The following NEDD4 variants were observed in gnomAD, a reference collection of about 807,000 sequenced individuals.
NEDD4 encodes E3 ubiquitin-protein ligase NEDD4.
NEDD4 carries 99 observed loss-of-function variants against 144.9 expected under a neutral mutation model. The ratio of observed to expected loss-of-function variants is 0.68; its 90% CI spans 0.58 to 0.81. The LOEUF (loss-of-function observed/expected upper bound fraction) is 0.81. Among genes scored for constraint, NEDD4 ranks in the 30% least tolerant of loss-of-function variants. The pLI, the probability that NEDD4 is intolerant of heterozygous loss-of-function variation, is 0.00. For missense variants in NEDD4, 985 were observed against 1,065.9 expected (o/e 0.92, Z 1.06); for synonymous variants, 318 against 350.6 (o/e 0.91, Z 1.04).
intron 5 of NEDD4, among the ~76,000 whole-genome samples, chr15:55,903,393 G>T (rs1236146169): frequency 2.6e-5 from 4 of 152,118 alleles, no homozygotes; most frequent in African/African-American, 9.7e-5. Context: ...TTTTCAGCAA[G>T]TCATTTAAAA....
intron 4 of NEDD4, among the ~76,000 whole-genome samples, chr15:55,941,992 T>A (rs1364855628): frequency 6.6e-6 from 1 of 152,200 alleles, no homozygotes; most frequent in Non-Finnish European, 1.5e-5. Context: ...GGGTATTAGC[T>A]GTAGTGTACT....
intron 4 of NEDD4, among the ~76,000 whole-genome samples, chr15:55,947,447 C>T (rs12438158): frequency 0.13 from 20,433 of 152,134 alleles, 1,496 homozygotes; most frequent in East Asian, 0.32. Context: ...CACATACACC[C>T]TCCCAAGACT....
At chr15:55,922,241 A>G (rs893486979) in intron 5 of NEDD4, among the ~76,000 whole-genome samples, 14 of 152,270 alleles carry the variant, frequency 9.2e-5, no homozygotes, top group African/African-American at 3.1e-4. Flanking sequence ...AAAATTATGC[A>G]TCATTGAAAT....
chr15:55,865,387 A>T (rs1433979305), intron 8 of NEDD4, among the ~76,000 whole-genome samples: 1 of 152,070 alleles, frequency 6.6e-6, no homozygotes, highest in Non-Finnish European at 1.5e-5. Flanking sequence ...TTAAAAGTGA[A>T]ACCAAAAAGT....
intron 1 of NEDD4, among the ~76,000 whole-genome samples, chr15:55,974,636 G>T (rs906385853): frequency 6.6e-6 from 1 of 151,820 alleles, no homozygotes; most frequent in African/African-American, 2.4e-5. Flanking sequence ...AAAGTCAAAT[G>T]TCATATCAAC....
chr15:55,983,456 G>A (rs546694462), intron 1 of NEDD4, among the ~76,000 whole-genome samples: 66 of 152,002 alleles, frequency 4.3e-4, no homozygotes, highest in African/African-American at 5.5e-4. Context: ...CTTCCTGTTC[G>A]TCTCCATCCC....
rs2032785480 is a variant in NEDD4 at position 55,828,302 on chromosome 15, T to C, written c.*1595A>G. On this transcript the variant is annotated 3_prime_UTR_variant, in exon 29 of 29. Transcript: ENST00000435532. ...TTCTCACAGGGTGTGTATATATATA[T>C]ATTTAAGAAGATTCGTAACATATAT... The C allele has an allele frequency of 6.6e-6, 1 of 152,200 alleles. No homozygotes were observed. The highest frequency in any genetic ancestry group is 1.5e-5 in the Non-Finnish European group (1 of 68,042). 9.4% of individuals were successfully genotyped at this position (152,200 alleles called of 1,614,324 possible). A position where few individuals can be genotyped will look rare whatever the true frequency, so the allele number is the denominator to read the frequency against.
chr15:55,878,244 CAAAT>C (rs2035062178), intron 5 of NEDD4, among the ~76,000 whole-genome samples: 1 of 151,924 alleles, frequency 6.6e-6, no homozygotes. Flanking sequence ...AGTATTACCA[CAAAT>C]AAAAAGAAAC....
intron 1 of NEDD4, among the ~76,000 whole-genome samples, chr15:55,969,021 A>T (rs1179462849): frequency 6.6e-6 from 1 of 152,218 alleles, no homozygotes; most frequent in African/African-American, 2.4e-5. Context: ...TCAAGGAAAG[A>T]GGCACTGAAG....
chr15:55,862,331 GAAT>G (rs1382337811), intron 9 of NEDD4, among the ~76,000 whole-genome samples: 4 of 151,972 alleles, frequency 2.6e-5, no homozygotes, highest in African/African-American at 9.7e-5. Context: ...GAATAAATAT[GAAT>G]AATGGGAGAT....
At chr15:55,967,928 G>C (rs1190317410) in intron 1 of NEDD4, among the ~76,000 whole-genome samples, 1 of 152,076 alleles carries the variant, frequency 6.6e-6, no homozygotes, top group Admixed American at 6.6e-5. Context: ...CAGGAGGATT[G>C]CCTGAATTTG....
intron 2 of NEDD4, among the ~76,000 whole-genome samples, chr15:55,962,616 G>A (rs1159350199): frequency 6.6e-6 from 1 of 150,622 alleles, no homozygotes; most frequent in African/African-American, 2.4e-5. Context: ...GCTAATTTTT[G>A]TATTTTTAGT....
intron 5 of NEDD4, among the ~76,000 whole-genome samples, chr15:55,881,713 A>G (rs1214558172): frequency 6.6e-6 from 1 of 152,164 alleles, no homozygotes; most frequent in African/African-American, 2.4e-5. Context: ...GAATACACTG[A>G]ACATCTGTAT....
chr15:55,831,394 C>T (rs2032943592), intron 27 of NEDD4, among the ~76,000 whole-genome samples: 1 of 152,078 alleles, frequency 6.6e-6, no homozygotes. Context: ...TCAAACAGTG[C>T]ATGAAATCAG....
chr15:55,957,916 G>T (rs1485384171), intron 2 of NEDD4, among the ~76,000 whole-genome samples: 1 of 152,158 alleles, frequency 6.6e-6, no homozygotes, highest in Admixed American at 6.5e-5. Flanking sequence ...GGTGGGAACT[G>T]AACAATAACA....
chr15:55,829,323 C>A lies in NEDD4; in HGVS notation c.*574G>T, dbSNP rs544324043. On this transcript the variant is annotated 3_prime_UTR_variant, in exon 29 of 29. Transcript: ENST00000435532. ...GCTAGAAATATAGGTAACACACTTT[C>A]CAAAGTTTTTTCCCAAAAATCTAGG... The A allele has an allele frequency of 8.5e-5, 13 of 152,382 alleles. No individual in the cohort carries two copies. The highest frequency in any genetic ancestry group is 3.1e-4 in the African/African-American group (13 of 41,564). 9.4% of individuals were successfully genotyped at this position (152,382 alleles called of 1,614,324 possible).
intron 4 of NEDD4, among the ~76,000 whole-genome samples, chr15:55,937,883 G>A (rs2036923078): frequency 1.3e-5 from 2 of 152,168 alleles, no homozygotes; most frequent in Admixed American, 6.6e-5. Context: ...AACAAAGCTA[G>A]AGGCATAATA....
chr15:55,832,473 G>A (rs1416210134), intron 27 of NEDD4, among the ~76,000 whole-genome samples: 3 of 152,122 alleles, frequency 2.0e-5, no homozygotes, highest in Non-Finnish European at 2.9e-5. Flanking sequence ...GAACTACAGT[G>A]GTGCGATCTT....
chr15:55,990,425 A>C (rs940405859), intron 1 of NEDD4, among the ~76,000 whole-genome samples: 29 of 152,122 alleles, frequency 1.9e-4, no homozygotes, highest in Admixed American at 3.3e-4. Flanking sequence ...AGAACTGATG[A>C]CTTCAAGAAT....
Sources: allele counts gnomAD v4.1 joint callset (sites outside exome capture counted in the v4.1 genomes callset), GRCh38; gene constraint gnomAD v4.1.1; transcripts MANE v1.5; gene names NCBI Gene and HGNC (gene_info 2026-07-23, HGNC 2026-07-21).